Variants in HMG20A observed in about 807,000 individuals in gnomAD.
HMG20A encodes high mobility group protein 20A.
A neutral mutation model predicts 43.9 loss-of-function variants in HMG20A; 17 were observed. The observed-to-expected ratio is 0.39, with a 90% CI of 0.27 to 0.58. The LOEUF (loss-of-function observed/expected upper bound fraction) is 0.58. HMG20A is among the 20% of genes least tolerant of loss of function. The probability of loss-of-function intolerance (pLI) is 0.59; values close to 1 mark genes in which losing one functional copy is unlikely to be tolerated. For missense variants in HMG20A, 341 were observed against 438.2 expected (o/e 0.78, Z 1.98); for synonymous variants, 132 against 147.5 (o/e 0.89, Z 0.76).
the HMG20A span, among the ~76,000 whole-genome samples, chr15:77,510,514 C>A: frequency 6.6e-6 from 1 of 152,224 alleles, no homozygotes; most frequent in Non-Finnish European, 1.5e-5. Flanking sequence ...CAGCTAAGAG[C>A]TTCTGCATGA....
chr15:77,497,941 C>A, the HMG20A span, among the ~76,000 whole-genome samples: 3 of 151,468 alleles, frequency 2.0e-5, no homozygotes, highest in African/African-American at 7.3e-5. Context: ...CTCTCTGGGA[C>A]CAATTTTCAG....
chr15:77,444,236 A>G (rs1199525037), intron 1 of HMG20A, among the ~76,000 whole-genome samples: 1 of 152,176 alleles, frequency 6.6e-6, no homozygotes, highest in Non-Finnish European at 1.5e-5. Context: ...TAACGCCTCT[A>G]CTTGGTACTG....
At chr15:77,437,952 A>G (rs2073567464) in intron 1 of HMG20A, among the ~76,000 whole-genome samples, 2 of 151,186 alleles carry the variant, frequency 1.3e-5, no homozygotes, top group African/African-American at 2.4e-5. Flanking sequence ...CTTCTTTTCT[A>G]GAACTGCAAT....
intron 1 of HMG20A, among the ~76,000 whole-genome samples, chr15:77,439,013 T>A (rs2073580970): frequency 1.3e-5 from 2 of 152,004 alleles, no homozygotes; most frequent in Admixed American, 1.3e-4. Context: ...CAGGATAGTC[T>A]CGATCTCCTT....
the HMG20A span, among the ~76,000 whole-genome samples, chr15:77,498,632 G>A: frequency 2.6e-5 from 4 of 152,144 alleles, no homozygotes; most frequent in Non-Finnish European, 5.9e-5. Flanking sequence ...TGTTAGCACT[G>A]GTGCAGCCTG....
intron 1 of HMG20A, among the ~76,000 whole-genome samples, chr15:77,436,949 C>T (rs991057404): frequency 6.6e-6 from 1 of 152,128 alleles, no homozygotes; most frequent in Non-Finnish European, 1.5e-5. Flanking sequence ...TCCTGTCTAC[C>T]TGTCTTTGTT....
chr15:77,517,688 A>C, the HMG20A span, among the ~76,000 whole-genome samples: 1 of 151,916 alleles, frequency 6.6e-6, no homozygotes, highest in African/African-American at 2.4e-5. Context: ...GGAGATCACC[A>C]GAGCAGCTCT....
At chr15:77,497,882 G>A in the HMG20A span, among the ~76,000 whole-genome samples, 1 of 149,610 alleles carries the variant, frequency 6.7e-6, no homozygotes, top group Non-Finnish European at 1.5e-5. Flanking sequence ...CCTGCTGGGA[G>A]AAGAAAAACC....
chr15:77,446,196 C>T (rs2073671960), intron 1 of HMG20A, among the ~76,000 whole-genome samples: 2 of 152,080 alleles, frequency 1.3e-5, no homozygotes, highest in Non-Finnish European at 2.9e-5. Context: ...TAACAATTAC[C>T]TTAGCTGGTT....
chr15:77,506,697 CG>C, the HMG20A span, among the ~76,000 whole-genome samples: 1 of 152,228 alleles, frequency 6.6e-6, no homozygotes, highest in Non-Finnish European at 1.5e-5. Context: ...GCCCACGTTC[CG>C]GTTTTCACGC....
chr15:77,452,883 G>T (rs544966300), intron 1 of HMG20A, among the ~76,000 whole-genome samples: 1 of 152,250 alleles, frequency 6.6e-6, no homozygotes, highest in South Asian at 2.1e-4. Flanking sequence ...AATATAAAAA[G>T]AACTCTTGCA....
At chr15:77,451,104 T>C (rs1337797516) in intron 1 of HMG20A, among the ~76,000 whole-genome samples, 1 of 152,234 alleles carries the variant, frequency 6.6e-6, no homozygotes, top group Non-Finnish European at 1.5e-5. Flanking sequence ...AACTCATATC[T>C]TTTTAGCAGT....
intron 1 of HMG20A, among the ~76,000 whole-genome samples, chr15:77,446,980 G>T (rs912959171): frequency 6.6e-6 from 1 of 152,118 alleles, no homozygotes; most frequent in Non-Finnish European, 1.5e-5. Context: ...TCTAGAGGGA[G>T]TAAGGCTTTA....
At chr15:77,480,936 C>A (rs1246142717) in intron 9 of HMG20A, among the ~76,000 whole-genome samples, 1 of 152,030 alleles carries the variant, frequency 6.6e-6, no homozygotes, top group African/African-American at 2.4e-5. Context: ...AGATTAGACT[C>A]TACAATGAGG....
At chr15:77,497,448 G>T in the HMG20A span, among the ~76,000 whole-genome samples, 2 of 152,212 alleles carry the variant, frequency 1.3e-5, no homozygotes, top group African/African-American at 4.8e-5. Context: ...GCTTCCAGCC[G>T]AGTGGAAGCT....
chr15:77,511,782 T>C, the HMG20A span, among the ~76,000 whole-genome samples: 49 of 152,244 alleles, frequency 3.2e-4, no homozygotes, highest in African/African-American at 1.1e-3. Context: ...ATGTGAGAAA[T>C]TGGAACCCTT....
At chr15:77,511,318 A>C in the HMG20A span, among the ~76,000 whole-genome samples, 39,297 of 152,074 alleles carry the variant, frequency 0.26, 5,533 homozygotes, top group Non-Finnish European at 0.32. Context: ...TTGGCTCTGG[A>C]CACTGAGAAG....
chr15:77,497,276 G>A, the HMG20A span, among the ~76,000 whole-genome samples: 1 of 152,242 alleles, frequency 6.6e-6, no homozygotes, highest in Non-Finnish European at 1.5e-5. Context: ...AGAAGGTGAG[G>A]AAGAGTGGCA....
At chr15:77,457,717 A>G (rs993296491) in intron 1 of HMG20A, among the ~76,000 whole-genome samples, 32 of 152,050 alleles carry the variant, frequency 2.1e-4, no homozygotes, top group Admixed American at 9.2e-4. Flanking sequence ...GCTCTTGGTT[A>G]TGATGGTGTG....
Sources: gnomAD v4.1 joint callset for allele counts (sites outside exome capture counted in the v4.1 genomes callset) on GRCh38, gnomAD v4.1.1 for gene constraint, MANE v1.5 for transcripts, NCBI Gene and HGNC (gene_info 2026-07-23, HGNC 2026-07-21) for gene names.